Variants in ATRNL1 observed in about 807,000 individuals in gnomAD.
ATRNL1 encodes the protein attractin-like protein 1.
Under a neutral mutation model 182.7 loss-of-function variants are expected in ATRNL1, and 95 were observed. That is an observed-to-expected ratio of 0.52 (90% confidence interval 0.44 to 0.62). The LOEUF (loss-of-function observed/expected upper bound fraction) is 0.62. Among genes scored for constraint, ATRNL1 ranks in the 20% least tolerant of loss-of-function variants. ATRNL1 has a pLI of 0.00. For missense variants in ATRNL1, 1,471 were observed against 1,679.5 expected (o/e 0.88, Z 2.17); for synonymous variants, 576 against 568.3 (o/e 1.01, Z -0.19).
chr10:115,286,418 C>A (rs1283741524), intron 15 of ATRNL1, 21 bp downstream of exon 15: 7 of 1,397,350 alleles, frequency 5.0e-6, no homozygotes, highest in Non-Finnish European at 5.8e-6. Flanking sequence ...TACTTGTTTA[C>A]ATTATGGAAA....
chr10:115,820,980 C>A (rs1172756393), intron 27 of ATRNL1, among the ~76,000 whole-genome samples: 14 of 151,954 alleles, frequency 9.2e-5, no homozygotes, highest in African/African-American at 3.4e-4. Context: ...CTCATGAGAT[C>A]TCATGGTTTT....
At chr10:115,485,405 G>C (rs1300888969) in intron 24 of ATRNL1, among the ~76,000 whole-genome samples, 3 of 151,434 alleles carry the variant, frequency 2.0e-5, no homozygotes, top group Non-Finnish European at 4.4e-5. Flanking sequence ...ATGATGTTTT[G>C]AGGTATATAT....
chr10:115,842,727 A>G (rs1555097523), intron 27 of ATRNL1, among the ~76,000 whole-genome samples: 1 of 152,040 alleles, frequency 6.6e-6, no homozygotes, highest in Non-Finnish European at 1.5e-5. Context: ...CTTAAGCTGT[A>G]TGTTTTAGTA....
rs190621421 is a variant in ATRNL1, at chr10:115,743,197, G to A, written c.3903+15842G>A. Among the ~76,000 whole-genome samples, 16 of 139,904 alleles carry A rather than the reference G, an allele frequency of 1.1e-4. No individual in the cohort carries two copies. In the East Asian group the frequency reaches 3.3e-3, roughly 29 times the overall value. The allele number at this position is 139,904 out of a possible 152,430, so 91.8% of individuals were successfully genotyped here. ...CTACAATTCAAGATGAGATTTGGGT[G>A]GGGAGACAGACAAACCATATTAGCT... On this transcript the variant is annotated intron_variant, in intron 27 of 28. Coordinates refer to ENST00000355044, the MANE Select transcript of ATRNL1 (RefSeq NM_207303.4).
Position 115,814,103 on chromosome 10 carries a change from A to G in ATRNL1, c.3904-33774A>G, listed in dbSNP as rs115268923. Among the ~76,000 whole-genome samples the G allele has an allele frequency of 2.2e-3, 336 of 152,266 alleles. 4 individuals are homozygous for G. Among genetic ancestry groups the G allele is most frequent in the African/African-American group, 7.7e-3 (320 of 41,564 alleles). ...TAAAAAATGAGTAAAGTAGGTCAAC[A>G]CCCAGCTCACTCCCTGACATCACAT... On this transcript the variant is annotated intron_variant, in intron 27 of 28. Coordinates refer to ENST00000355044, the MANE Select transcript of ATRNL1 (RefSeq NM_207303.4).
intron 26 of ATRNL1, among the ~76,000 whole-genome samples, chr10:115,711,342 A>G (rs1947058387): frequency 6.6e-6 from 1 of 152,156 alleles, no homozygotes; most frequent in Admixed American, 6.6e-5. Flanking sequence ...AACTCACATC[A>G]TCTGCAGGCA....
chr10:115,647,930 T>C (rs1859736590), intron 26 of ATRNL1, among the ~76,000 whole-genome samples: 2 of 152,146 alleles, frequency 1.3e-5, no homozygotes, highest in South Asian at 4.1e-4. Flanking sequence ...TGGTTTTAGG[T>C]CTAACATTTA....
At chr10:115,410,826 C>T (rs1845102032) in intron 20 of ATRNL1, among the ~76,000 whole-genome samples, 1 of 152,164 alleles carries the variant, frequency 6.6e-6, no homozygotes, top group Non-Finnish European at 1.5e-5. Context: ...CAACCTCTGC[C>T]TCGTGGGTTC....
chr10:115,555,122 C>T (rs2784804), intron 26 of ATRNL1, among the ~76,000 whole-genome samples: 147,576 of 151,778 alleles, frequency 0.97, 71,909 homozygotes, highest in East Asian at 1. Context: ...TCTGGCAACC[C>T]TATTTTCAAC....
chr10:115,832,777 G>A (rs1384379415), intron 27 of ATRNL1, among the ~76,000 whole-genome samples: 1 of 152,020 alleles, frequency 6.6e-6, no homozygotes, highest in Non-Finnish European at 1.5e-5. Flanking sequence ...GTCCTTGCTT[G>A]CTTGCTTCAA....
Position 115,727,217 on chromosome 10 carries a change from T to G in ATRNL1, c.3796-31T>G, listed in dbSNP as rs782107329. On this transcript the variant is annotated intron_variant, in intron 26 of 28. Coordinates refer to ENST00000355044, the MANE Select transcript of ATRNL1 (RefSeq NM_207303.4). ...GAATTTCATGTGCTTTTAAACCTAT[T>G]TTAAGATAAATCATTTTTAACCCCC... 6 of 1,505,030 alleles carry G rather than the reference T, an allele frequency of 4.0e-6. No homozygotes were observed. In the African/African-American group the frequency reaches 4.1e-5, roughly 10 times the overall value. 93.2% of individuals were successfully genotyped at this position (1,505,030 alleles called of 1,614,324 possible).
chr10:115,254,676 A>G (rs1851039229), intron 10 of ATRNL1, among the ~76,000 whole-genome samples: 1 of 152,114 alleles, frequency 6.6e-6, no homozygotes, highest in Non-Finnish European at 1.5e-5. Context: ...TTTTGTTGCC[A>G]TTGCTTTGGT....
intron 19 of ATRNL1, among the ~76,000 whole-genome samples, chr10:115,381,278 A>AT (rs1554950989): frequency 1.3e-5 from 2 of 151,064 alleles, no homozygotes; most frequent in African/African-American, 2.4e-5. Context: ...TATTATTACT[A>AT]TTTTTTGAGA....
chr10:115,219,035 G>A (rs1003484647), intron 9 of ATRNL1, among the ~76,000 whole-genome samples: 5 of 152,080 alleles, frequency 3.3e-5, no homozygotes, highest in African/African-American at 1.2e-4. Context: ...AGGAGTTTGA[G>A]ACCAGCCTGG....
At chr10:115,887,810 C>T (rs1951985112) in intron 28 of ATRNL1, among the ~76,000 whole-genome samples, 1 of 152,006 alleles carries the variant, frequency 6.6e-6, no homozygotes, top group Non-Finnish European at 1.5e-5. Flanking sequence ...CTATCTCTCA[C>T]ATCCCTCCTA....
At chr10:115,322,285 G>A (rs1320316247) in intron 18 of ATRNL1, among the ~76,000 whole-genome samples, 3 of 151,662 alleles carry the variant, frequency 2.0e-5, no homozygotes, top group Non-Finnish European at 4.4e-5. Context: ...TAATTTGAGT[G>A]ATGAAAGGAG....
At chr10:115,621,315 T>A (rs2804242) in intron 26 of ATRNL1, among the ~76,000 whole-genome samples, 47,845 of 88,490 alleles carry the variant, frequency 0.54, 12,171 homozygotes, top group South Asian at 0.64. Flanking sequence ...AGAGAGAGAG[T>A]GTGTGAGTGA....
intron 19 of ATRNL1, among the ~76,000 whole-genome samples, chr10:115,393,719 T>C (rs559255480): frequency 2.0e-5 from 3 of 152,228 alleles, no homozygotes; most frequent in African/African-American, 4.8e-5. Context: ...ATGACAATAC[T>C]TTGTGGTGGC....
chr10:115,157,321 GTTGT>G (rs67436430), intron 5 of ATRNL1, among the ~76,000 whole-genome samples: 31,881 of 151,708 alleles, frequency 0.21, 4,248 homozygotes, highest in Non-Finnish European at 0.3. Context: ...TCTTTTTGTC[GTTGT>G]TTGTGTTTTA....
Sources: gnomAD v4.1 joint callset for allele counts (sites outside exome capture counted in the v4.1 genomes callset) on GRCh38, gnomAD v4.1.1 for gene constraint, MANE v1.5 for transcripts, NCBI Gene and HGNC (gene_info 2026-07-23, HGNC 2026-07-21) for gene names.